MKI67: variants seen among roughly 807,000 people sequenced by gnomAD.
MKI67 encodes the protein proliferation marker protein Ki-67.
In MKI67, 152 loss-of-function variants were observed where a neutral mutation model predicts 233.5. The observed-to-expected ratio is 0.65, with a 90% confidence interval of 0.57 to 0.74. The LOEUF is 0.74. Among genes scored for constraint, MKI67 ranks in the 30% least tolerant of loss-of-function variants. The probability of loss-of-function intolerance (pLI) is 0.00; values close to 1 mark genes in which losing one functional copy is unlikely to be tolerated. For missense variants in MKI67, 3,940 were observed against 3,885.2 expected, an observed-to-expected ratio of 1.01 and a Z score of -0.37; for synonymous variants, 1,465 against 1,418.5, an observed-to-expected ratio of 1.03 and a Z score of -0.74.
At position 128,114,889 on chromosome 10, in the gene MKI67, A is replaced by C. The variant is rs780487122; in HGVS notation, c.1480+39T>G. 9 of 1,501,916 alleles carry C rather than the reference A, an allele frequency of 6.0e-6. No individual in the cohort carries two copies. The African/African-American group carries it at 1.3e-4, about 21-fold the overall frequency. The allele number at this position is 1,501,916 out of a possible 1,614,324, so 93.0% of individuals were successfully genotyped here. A position where few individuals can be genotyped will look rare whatever the true frequency, so the allele number is the denominator to read the frequency against. On this transcript the variant is annotated intron_variant, in intron 7 of 14. Coordinates refer to ENST00000368654, the MANE Select transcript of MKI67 (RefSeq NM_002417.5). ...TCTCACAGCTACATAGAAGGTGTTCATCTTTTAGAAAAATAAATTTACAAT... is the reference window on the plus strand; with the variant it reads ...TCTCACAGCTACATAGAAGGTGTTCCTCTTTTAGAAAAATAAATTTACAAT...
rs1375135603 is a variant in MKI67, at chr10:128,110,498, G to C, written c.2296C>G (p.Gln766Glu). Residue 766 changes from glutamine to glutamate, a missense_variant, in exon 12 of 15, where the codon CAA becomes GAA. Coordinates refer to ENST00000368654, the MANE Select transcript of MKI67 (RefSeq NM_002417.5). ...TGACATGTGCTTGTCAACTGCGGTT[G>C]CTCCTTCACTGGGGTCTTGAACATT... ...AEMFKTPVKE[Q>E]PQLTSTCHIA... The C allele has an allele frequency of 3.8e-6, 6 of 1,568,380 alleles. No individual in the cohort carries two copies. Among genetic ancestry groups the C allele is most frequent in the Non-Finnish European group, 5.2e-6 (6 of 1,145,536 alleles).
rs1288204556 is a variant in MKI67 at position 128,111,986 on chromosome 10, T to C, written c.2029A>G (p.Ile677Val). The C allele has an allele frequency of 6.2e-7, 1 of 1,613,720 alleles. No individual in the cohort carries two copies. Among genetic ancestry groups the C allele is most frequent in the Non-Finnish European group, 8.5e-7 (1 of 1,179,974 alleles). ...ATTGACCTTTGAGGACCATGTTTTA[T>C]GACTTTAGTTTGTGTTTGTTTTGCA... Reference protein sequence around the residue: ...LGAKQTQTKVIKHGPQRSMNK... With the variant: ...LGAKQTQTKVVKHGPQRSMNK... Residue 677 changes from isoleucine (I) to valine (V), a missense_variant, in exon 10 of 15, where the codon ATA (isoleucine) becomes GTA (valine). Physicochemically the swap from Ile to Val is conservative, Grantham distance 29. Coordinates refer to ENST00000368654, the MANE Select transcript of MKI67 (RefSeq NM_002417.5).
intron 14 of MKI67, among the ~76,000 whole-genome samples, chr10:128,100,148 T>C (rs897018788): frequency 6.6e-6 from 1 of 152,122 alleles, no homozygotes; most frequent in African/African-American, 2.4e-5. Flanking sequence ...CACTGTCGGG[T>C]GTCTTCTGCT....
Position 128,105,921 on chromosome 10 carries a change from A to C in MKI67, c.5919T>G (p.Asp1973Glu). The change falls in exon 13 of 15, where the codon GAT (aspartate) becomes GAG (glutamate). Residue 1973 changes from aspartate to glutamate, a missense_variant. By Grantham distance (45) the Asp-to-Glu change is conservative (BLOSUM62 2). Transcript: ENST00000368654. ...TPGHTEESMT[D>E]DKITEVSCKS... ...TGCAGGATACTTCTGTGATTTTGTC[A>C]TCGGTCATTGATTCCTCAGTGTGAC... 1.2e-6 allele frequency: 2 copies of C among 1,613,422 alleles called. No homozygotes were observed. Among genetic ancestry groups the C allele is most frequent in the Non-Finnish European group, 1.7e-6 (2 of 1,179,868 alleles).
chr10:128,119,419 T>G, intron 4 of MKI67, 100 bp from the exon 5 acceptor site: 2 of 776,844 alleles, frequency 2.6e-6, no homozygotes, highest in South Asian at 1.6e-5. Context: ...GAACAAACTT[T>G]GGGTTTAGTT....
rs761204646 is a variant in MKI67 at position 128,122,878 on chromosome 10, T to C, written c.287+3A>G. The C allele has an allele frequency of 2.7e-6, 4 of 1,495,152 alleles. No individual in the cohort carries two copies. The highest frequency in any genetic ancestry group is 2.8e-6 in the Non-Finnish European group (3 of 1,089,044). The allele number at this position is 1,495,152 out of a possible 1,614,324, so 92.6% of individuals were successfully genotyped here. A position where few individuals can be genotyped will look rare whatever the true frequency, so the allele number is the denominator to read the frequency against. Reference sequence around the variant, plus strand: ...ACTGTTAGACCAATCAGCTTTTACCTACCTGAAGGAACGATCAATAATAGT... The same window carrying C: ...ACTGTTAGACCAATCAGCTTTTACCCACCTGAAGGAACGATCAATAATAGT... On this transcript the variant is annotated splice_donor_region_variant and intron_variant, in intron 4 of 14. Transcript: ENST00000368654.
At position 128,105,526 on chromosome 10, in the gene MKI67, G is replaced by A; in HGVS notation, c.6314C>T (p.Ser2105Phe). The change falls in exon 13 of 15, where the codon TCT (serine) becomes TTT (phenylalanine). Residue 2105 changes from serine (S) to phenylalanine (F), a missense_variant. Ser to Phe is a radical substitution (Grantham distance 155). Transcript: ENST00000368654. The stretch of plus-strand genomic sequence containing the variant: ...AGTGTCCATTGATTCTGGTGGTGGA[G>A]ATTTGCAGGCTATTTTGGTAGTTTT... The part of the protein sequence containing the change: ...DDKTTKIACK[S>F]PPPESMDTPT... 1 of 1,614,036 alleles carries A rather than the reference G, an allele frequency of 6.2e-7. No individual in the cohort carries two copies. Among genetic ancestry groups the A allele is most frequent in the Non-Finnish European group, 8.5e-7 (1 of 1,180,006 alleles).
Position 128,108,832 on chromosome 10 carries a change from G to T in MKI67, c.3008C>A (p.Thr1003Asn). Reference sequence around the variant, plus strand: ...TTGTAATGACTGGCAGGGCATTTTAGTGATTTTGCCTTTCTCACTCTTTGG... The same window carrying T: ...TTGTAATGACTGGCAGGGCATTTTATTGATTTTGCCTTTCTCACTCTTTGG... ...KAPKSEKGKI[T>N]KMPCQSLQPE... Residue 1003 changes from threonine (T) to asparagine (N), a missense_variant, in exon 13 of 15, where the codon ACT becomes AAT. Thr to Asn is a moderately conservative substitution (Grantham distance 65, BLOSUM62 0). Coordinates refer to ENST00000368654, the MANE Select transcript of MKI67 (RefSeq NM_002417.5). 6.2e-7 allele frequency: 1 copy of T among 1,614,210 alleles called. No individual in the cohort carries two copies. The highest frequency in any genetic ancestry group is 8.5e-7 in the Non-Finnish European group (1 of 1,180,042).
chr10:128,099,083 G>T lies in MKI67; in HGVS notation c.*107C>A. On this transcript the variant is annotated 3_prime_UTR_variant, in exon 15 of 15. Transcript: ENST00000368654. ...ATCCAAAGTTTTCTTCCCTTAAGCA[G>T]ACTGACAGCCTTACTTACAGAATTC... The T allele has an allele frequency of 1.2e-6, 1 of 839,780 alleles. No homozygotes were observed. The highest frequency in any genetic ancestry group is 1.8e-5 in the South Asian group (1 of 55,468). 52.0% of individuals were successfully genotyped at this position (839,780 alleles called of 1,614,324 possible). A position where few individuals can be genotyped will look rare whatever the true frequency, so the allele number is the denominator to read the frequency against.
At chr10:128,122,860 G>T in intron 4 of MKI67, 21 bp downstream of exon 4, 1 of 1,239,960 alleles carries the variant, frequency 8.1e-7, no homozygotes, top group Non-Finnish European at 1.2e-6. Flanking sequence ...TTTACTGTTA[G>T]ACCAATCAGC....
chr10:128,116,021 T>C lies in MKI67; in HGVS notation c.401-14A>G, dbSNP rs148202204. The C allele has an allele frequency of 6.9e-5, 107 of 1,550,288 alleles. No homozygotes were observed. The East Asian group carries it at 2.4e-3, about 35-fold the overall frequency. On this transcript the variant is annotated splice_polypyrimidine_tract_variant and intron_variant, in intron 6 of 14. Transcript: ENST00000368654. ...GAGCTTTCTCATCTTGGCAATGAAT[T>C]ATGAAATAAGAAACAGAAGTTCAGC...
intron 5 of MKI67, among the ~76,000 whole-genome samples, chr10:128,117,146 C>T (rs1398962823): frequency 6.6e-6 from 1 of 152,142 alleles, no homozygotes; most frequent in African/African-American, 2.4e-5. Flanking sequence ...AGATATTTCC[C>T]AACATCCTAT....
In MKI67 at chr10:128,108,008, C is replaced by T; in HGVS notation, c.3832G>A (p.Val1278Ile). 6.2e-7 allele frequency: 1 copy of T among 1,613,814 alleles called. No homozygotes were observed. The highest frequency in any genetic ancestry group is 8.5e-7 in the Non-Finnish European group (1 of 1,179,982). The change falls in exon 13 of 15, where the codon GTA (valine) becomes ATA (isoleucine). Residue 1278 changes from valine to isoleucine, a missense_variant. By Grantham distance (29) the Val-to-Ile change is conservative. Coordinates refer to ENST00000368654, the MANE Select transcript of MKI67 (RefSeq NM_002417.5). ...RPKRSIRKAD[V>I]EGELLACRNL... is the part of the protein sequence containing the mutation. ...CTGCACGCTAAGAGTTCTCCCTCTA[C>T]ATCTGCTTTCCTGATACTTCTCTTG... is the stretch of plus-strand genomic sequence containing the variant.
Position 128,107,038 on chromosome 10 carries a change from G to A in MKI67, c.4802C>T (p.Thr1601Ile), listed in dbSNP as rs1455698092. 1 of 1,614,130 alleles carries A rather than the reference G, an allele frequency of 6.2e-7. No homozygotes were observed. The highest frequency in any genetic ancestry group is 1.7e-5 in the Admixed American group (1 of 60,020). The change falls in exon 13 of 15, where the codon ACT becomes ATT. Residue 1601 changes from threonine (T) to isoleucine (I), a missense_variant. Transcript: ENST00000368654. ...TTTATCGTTAGTCATTGATTCCTCA[G>A]TGTGACCTCGTGTCTGGAAGAGCTC... ...FKELFQTRGH[T>I]EESMTNDKTA...
Position 128,104,032 on chromosome 10 carries a change from C to A in MKI67, c.7808G>T (p.Cys2603Phe), listed in dbSNP as rs1298029174. 2 of 1,613,988 alleles carry A rather than the reference C, an allele frequency of 1.2e-6. No individual in the cohort carries two copies. The highest frequency in any genetic ancestry group is 1.1e-5 in the South Asian group (1 of 91,076). Reference sequence around the variant, plus strand: ...TTCTTTCCTGGGACGTGTCTTGGGGCATCTCTTTGTGCTCGTGGCAGTGTC... The same window carrying A: ...TTCTTTCCTGGGACGTGTCTTGGGGAATCTCTTTGTGCTCGTGGCAGTGTC... The part of the protein sequence containing the change: ...LTDTATSTKR[C>F]PKTRPRKEVK... The change falls in exon 13 of 15, where the codon TGC (cysteine) becomes TTC (phenylalanine). Residue 2603 changes from cysteine to phenylalanine, a missense_variant. Transcript: ENST00000368654.
chr10:128,112,501 A>G, intron 8 of MKI67, 56 bp from the exon 9 acceptor site: 1 of 1,505,578 alleles, frequency 6.6e-7, no homozygotes, highest in African/African-American at 1.4e-5. Context: ...CATCTCTGGA[A>G]TGACTGATAA....
Position 128,102,865 on chromosome 10 carries a change from G to A in MKI67, c.8975C>T (p.Pro2992Leu). 24 of 1,614,194 alleles carry A rather than the reference G, an allele frequency of 1.5e-5. No individual in the cohort carries two copies. Among genetic ancestry groups the A allele is most frequent in the Non-Finnish European group, 2.0e-5 (24 of 1,180,038 alleles). Residue 2992 changes from proline to leucine, a missense_variant, in exon 13 of 15, where the codon CCC (proline) becomes CTC (leucine). By Grantham distance (98) the Pro-to-Leu change is moderately conservative. Transcript: ENST00000368654. ...ACCTCCCCTCTTGAAGGGCAGTGGG[G>A]GCAGGGAAGTGTTGCTTTTGCTTTG... ...KSQSKSNTSL[P>L]PLPFKRGGGK...
In MKI67 at chr10:128,097,415, T is replaced by C. The variant is rs1852234094; in HGVS notation, c.*1775A>G. 2.0e-5 allele frequency: 3 copies of C among 152,096 alleles called. No individual in the cohort carries two copies. The highest frequency in any genetic ancestry group is 2.0e-4 in the Admixed American group (3 of 15,258). 9.4% of individuals were successfully genotyped at this position (152,096 alleles called of 1,614,324 possible). ...AACCACCCTTAGCGTGCTCTTGAAA[T>C]ACTGTACTTACCAGGGTGAGAAAAG... On this transcript the variant is annotated 3_prime_UTR_variant, in exon 15 of 15. Transcript: ENST00000368654.
In MKI67 at chr10:128,125,125, G is replaced by A. The variant is rs776841866; in HGVS notation, c.92+451C>T. ...CAGCAATATAAGAGGAAACGTTCTCGAATTCCAGGCAGGAAGACTTTCTGT... is the reference window on the plus strand; with the variant it reads ...CAGCAATATAAGAGGAAACGTTCTCAAATTCCAGGCAGGAAGACTTTCTGT... On this transcript the variant is annotated intron_variant, in intron 2 of 14. Transcript: ENST00000368654. This position sits in a 1 kb window ranked among gnomAD's most constrained non-coding sequence, Gnocchi z 5.3. 6.6e-6 allele frequency among the ~76,000 whole-genome samples: 1 copy of A among 152,112 alleles called. No homozygotes were observed.
Sources: gnomAD v4.1 joint callset for allele counts (sites outside exome capture counted in the v4.1 genomes callset) on GRCh38, gnomAD v4.1.1 for gene constraint, Gnocchi (gnomAD v3.1) non-coding constraint, MANE v1.5 for transcripts, NCBI Gene and HGNC (gene_info 2026-07-23, HGNC 2026-07-21) for gene names.